The following GALNT17 variants were observed in gnomAD, a reference collection of about 807,000 sequenced individuals.
The protein encoded by GALNT17 is polypeptide N-acetylgalactosaminyltransferase 17.
A neutral mutation model predicts 63.7 loss-of-function variants in GALNT17; 29 were observed. That is an observed-to-expected ratio of 0.46 (90% confidence interval 0.34 to 0.62). The LOEUF is 0.62. Ranked by LOEUF, GALNT17 falls within the 20% of genes least tolerant of loss-of-function variation. The pLI is 0.01. For synonymous variants in GALNT17, 305 were observed against 318.3 expected (o/e 0.96, Z 0.45); for missense variants, 603 against 799.6 (o/e 0.75, Z 2.97).
At chr7:71,211,229 A>G (rs191518559) in intron 1 of GALNT17, among the ~76,000 whole-genome samples, 1 of 152,114 alleles carries the variant, frequency 6.6e-6, no homozygotes, top group Non-Finnish European at 1.5e-5. Context: ...TAGTTGAATC[A>G]TGGGGGCTGG....
intron 5 of GALNT17, among the ~76,000 whole-genome samples, chr7:71,505,043 A>C (rs543212687): frequency 1.3e-5 from 2 of 152,322 alleles, no homozygotes; most frequent in South Asian, 4.1e-4. Flanking sequence ...CATACACTGC[A>C]TCATGTAGTG....
At chr7:71,391,166 C>G (rs1793042632) in intron 3 of GALNT17, among the ~76,000 whole-genome samples, 1 of 152,108 alleles carries the variant, frequency 6.6e-6, no homozygotes, top group Admixed American at 6.5e-5. Flanking sequence ...AAGAAAAGTG[C>G]AGGTGTGAGC....
At chr7:71,213,994 A>G (rs948105142) in intron 1 of GALNT17, among the ~76,000 whole-genome samples, 2 of 152,228 alleles carry the variant, frequency 1.3e-5, no homozygotes, top group Admixed American at 1.3e-4. Flanking sequence ...CTCTTCGTGG[A>G]AAAACAGTTG....
intron 1 of GALNT17, among the ~76,000 whole-genome samples, chr7:71,261,068 G>T (rs1352475407): frequency 6.6e-6 from 1 of 152,226 alleles, no homozygotes; most frequent in Non-Finnish European, 1.5e-5. Flanking sequence ...CACTTTGGAA[G>T]CCCTTGGACA....
At chr7:71,343,020 T>C (rs1583875782) in intron 2 of GALNT17, among the ~76,000 whole-genome samples, 1 of 152,340 alleles carries the variant, frequency 6.6e-6, no homozygotes, top group East Asian at 1.9e-4. Flanking sequence ...AGGTGAATTT[T>C]GAGATAAATT....
chr7:71,291,556 C>A (rs967061823), intron 1 of GALNT17, among the ~76,000 whole-genome samples: 63 of 152,138 alleles, frequency 4.1e-4, no homozygotes, highest in Non-Finnish European at 1.2e-4. Context: ...TATTTATTGC[C>A]AGGGTTATTC....
chr7:71,220,607 G>A (rs2867044), intron 1 of GALNT17, among the ~76,000 whole-genome samples: 56,603 of 151,860 alleles, frequency 0.37, 10,884 homozygotes, highest in South Asian at 0.53. Flanking sequence ...CAAGTATCTC[G>A]GAATGTGTCT....
chr7:71,224,558 A>G (rs912811826), intron 1 of GALNT17, among the ~76,000 whole-genome samples: 6 of 152,134 alleles, frequency 3.9e-5, no homozygotes, highest in Non-Finnish European at 1.5e-5. Flanking sequence ...CTGATACTAC[A>G]TGTAGGTGTA....
intron 1 of GALNT17, among the ~76,000 whole-genome samples, chr7:71,325,534 G>T (rs2116032142): frequency 6.6e-6 from 1 of 152,290 alleles, no homozygotes; most frequent in South Asian, 2.1e-4. Context: ...GAATAATGCT[G>T]GTTATCTGTA....
At position 71,699,697 on chromosome 7, in the gene GALNT17, G is replaced by A. The variant is rs1037988105; in HGVS notation, c.1501-11064G>A. Among the ~76,000 whole-genome samples the A allele has an allele frequency of 2.6e-5, 4 of 152,238 alleles. No individual in the cohort carries two copies. The East Asian group carries it at 7.7e-4, about 29-fold the overall frequency. On this transcript the variant is annotated intron_variant, in intron 9 of 10. Coordinates refer to ENST00000333538, the MANE Select transcript of GALNT17 (RefSeq NM_022479.3). ...GCCTGTAATCCCAACACTTTGAGAT[G>A]CTGAAATGGGAGAATCATTTGAGCC... is the stretch of plus-strand genomic sequence containing the variant.
chr7:71,137,349 C>T (rs1787805131), intron 1 of GALNT17, among the ~76,000 whole-genome samples: 3 of 151,896 alleles, frequency 2.0e-5, no homozygotes, highest in Admixed American at 2.0e-4. Flanking sequence ...CCGTGTTCGC[C>T]AGGATGGTCT....
chr7:71,439,155 C>G (rs1787021139), intron 5 of GALNT17, among the ~76,000 whole-genome samples: 1 of 152,136 alleles, frequency 6.6e-6, no homozygotes, highest in Admixed American at 6.6e-5. Flanking sequence ...TCCCAAAGTG[C>G]TGGGATTACT....
At chr7:71,341,850 A>G (rs979719799) in intron 2 of GALNT17, among the ~76,000 whole-genome samples, 1 of 152,186 alleles carries the variant, frequency 6.6e-6, no homozygotes, top group Non-Finnish European at 1.5e-5. Flanking sequence ...GCTCCAGGGT[A>G]ACATTCTAGG....
chr7:71,684,566 C>T (rs1364190684), intron 9 of GALNT17, among the ~76,000 whole-genome samples: 6 of 152,158 alleles, frequency 3.9e-5, no homozygotes, highest in Non-Finnish European at 7.4e-5. Flanking sequence ...TGTTAAAGAA[C>T]AAAAATGCTG....
intron 5 of GALNT17, among the ~76,000 whole-genome samples, chr7:71,520,505 A>C (rs1266352298): frequency 6.6e-6 from 1 of 152,040 alleles, no homozygotes; most frequent in Non-Finnish European, 1.5e-5. Context: ...CCTGGGCAAC[A>C]GAGTGAGACT....
intron 5 of GALNT17, among the ~76,000 whole-genome samples, chr7:71,431,976 A>G (rs1354483796): frequency 2.0e-5 from 3 of 152,116 alleles, no homozygotes. Flanking sequence ...GGAATTCAAG[A>G]CCAGCCTGCC....
chr7:71,552,201 C>T lies in GALNT17; in HGVS notation c.963-19084C>T, dbSNP rs553092510. ...CTGGGACTACAGGAGCATGCCACCACACTTGTCTAATTTTTGTATTTTTAG... is the reference window on the plus strand; with the variant it reads ...CTGGGACTACAGGAGCATGCCACCATACTTGTCTAATTTTTGTATTTTTAG... On this transcript the variant is annotated intron_variant, in intron 5 of 10. Coordinates refer to ENST00000333538, the MANE Select transcript of GALNT17 (RefSeq NM_022479.3). Among the ~76,000 whole-genome samples, 26 of 152,106 alleles carry T rather than the reference C, an allele frequency of 1.7e-4. No individual in the cohort carries two copies. The South Asian group carries it at 4.4e-3, about 25-fold the overall frequency.
At chr7:71,557,898 C>T (rs768782868) in intron 5 of GALNT17, among the ~76,000 whole-genome samples, 1 of 151,940 alleles carries the variant, frequency 6.6e-6, no homozygotes, top group Non-Finnish European at 1.5e-5. Flanking sequence ...CATGGTGAAA[C>T]CCCATCTCTA....
At chr7:71,298,711 GGTGT>G (rs10602909) in intron 1 of GALNT17, among the ~76,000 whole-genome samples, 41,572 of 141,314 alleles carry the variant, frequency 0.29, 6,203 homozygotes, top group East Asian at 0.55. Flanking sequence ...ATTCCAGTGG[GGTGT>G]GTGTGTGTGT....
Sources: gnomAD v4.1 joint callset for allele counts (sites outside exome capture counted in the v4.1 genomes callset) on GRCh38, gnomAD v4.1.1 for gene constraint, MANE v1.5 for transcripts, NCBI Gene and HGNC (gene_info 2026-07-23, HGNC 2026-07-21) for gene names.